FSTL5: variants seen among roughly 807,000 people sequenced by gnomAD.
FSTL5 encodes follistatin-related protein 5.
In FSTL5, 62 loss-of-function variants were observed where a neutral mutation model predicts 89.1. The ratio of observed to expected loss-of-function variants is 0.70; its 90% CI spans 0.57 to 0.86. The LOEUF (loss-of-function observed/expected upper bound fraction) is 0.86, where lower values mean the gene tolerates loss of function less well. Among genes scored for constraint, FSTL5 ranks in the 40% least tolerant of loss-of-function variants. The probability of loss-of-function intolerance (pLI) is 0.00; values close to 1 mark genes in which losing one functional copy is unlikely to be tolerated. For missense variants in FSTL5, 1,057 were observed against 1,001.6 expected (o/e 1.06, Z -0.75); for synonymous variants, 383 against 346.2 (o/e 1.11, Z -1.18).
intron 15 of FSTL5, among the ~76,000 whole-genome samples, chr4:161,450,897 C>T (rs1387696105): frequency 6.6e-6 from 1 of 151,970 alleles, no homozygotes; most frequent in African/African-American, 2.4e-5. Context: ...GCGCCCACCA[C>T]CACGCCTGGC....
chr4:161,983,590 TG>T (rs1735884636), intron 3 of FSTL5, among the ~76,000 whole-genome samples: 1 of 152,176 alleles, frequency 6.6e-6, no homozygotes, highest in Admixed American at 6.5e-5. Context: ...ATCATTAATA[TG>T]AAATACGTGT....
chr4:161,987,124 G>A (rs779725852), intron 3 of FSTL5, among the ~76,000 whole-genome samples: 3 of 152,024 alleles, frequency 2.0e-5, no homozygotes, highest in African/African-American at 7.2e-5. Flanking sequence ...ACCCTTTCTC[G>A]ACATCTAGTT....
intron 2 of FSTL5, among the ~76,000 whole-genome samples, chr4:162,056,615 T>A (rs1738551678): frequency 6.6e-6 from 1 of 152,198 alleles, no homozygotes; most frequent in Admixed American, 6.5e-5. Flanking sequence ...TAACATTTTA[T>A]ATCATGCAAA....
At chr4:161,630,161 G>A (rs554974937) in intron 7 of FSTL5, among the ~76,000 whole-genome samples, 3 of 152,224 alleles carry the variant, frequency 2.0e-5, no homozygotes, top group Non-Finnish European at 4.4e-5. Flanking sequence ...ATAAAACTGC[G>A]GGACCCTTCT....
chr4:161,831,520 CA>C (rs139499944), intron 4 of FSTL5, among the ~76,000 whole-genome samples: 12 of 150,572 alleles, frequency 8.0e-5, no homozygotes, highest in East Asian at 1.9e-4. Flanking sequence ...TGTTTTGTTA[CA>C]AAAAAAAGCA....
At chr4:161,440,569 G>A (rs1732726915) in intron 15 of FSTL5, among the ~76,000 whole-genome samples, 1 of 152,044 alleles carries the variant, frequency 6.6e-6, no homozygotes, top group Admixed American at 6.6e-5. Context: ...GTTCTGTTTT[G>A]CTCTCCTCAT....
chr4:162,100,317 T>C (rs1245315136), intron 2 of FSTL5, among the ~76,000 whole-genome samples: 1 of 152,044 alleles, frequency 6.6e-6, no homozygotes, highest in African/African-American at 2.4e-5. Context: ...TCCTAGCACT[T>C]TGGGAGGCCG....
chr4:161,703,730 T>C (rs898906187), intron 6 of FSTL5, among the ~76,000 whole-genome samples: 1 of 152,138 alleles, frequency 6.6e-6, no homozygotes, highest in African/African-American at 2.4e-5. Context: ...TAATATTTCA[T>C]TGAAGAGTCT....
chr4:161,618,296 C>G (rs866051398), intron 7 of FSTL5, among the ~76,000 whole-genome samples: 56 of 136,542 alleles, frequency 4.1e-4, no homozygotes, highest in African/African-American at 1.5e-3. Context: ...TCCTCTTTTC[C>G]TAATTGAATA....
chr4:162,138,008 G>A (rs1172087356), intron 1 of FSTL5, among the ~76,000 whole-genome samples: 3 of 152,040 alleles, frequency 2.0e-5, no homozygotes, highest in Admixed American at 2.0e-4. Context: ...AGAGCTGGTG[G>A]GAAGGTGGGG....
At chr4:161,760,290 C>T (rs1740741448) in intron 5 of FSTL5, among the ~76,000 whole-genome samples, 1 of 152,152 alleles carries the variant, frequency 6.6e-6, no homozygotes, top group South Asian at 2.1e-4. Context: ...CAAGATTTTT[C>T]AGACATTTCT....
At chr4:161,934,750 A>G (rs1269301978) in intron 3 of FSTL5, among the ~76,000 whole-genome samples, 1 of 152,120 alleles carries the variant, frequency 6.6e-6, no homozygotes, top group Non-Finnish European at 1.5e-5. Flanking sequence ...TACAACTGCT[A>G]TGTTAGACAT....
chr4:161,753,905 G>A (rs1402314453), intron 6 of FSTL5, among the ~76,000 whole-genome samples: 1 of 151,880 alleles, frequency 6.6e-6, no homozygotes, highest in Non-Finnish European at 1.5e-5. Context: ...AGCCGGGCGT[G>A]GTGGCTGGCG....
chr4:162,043,060 A>G (rs1297260760), intron 2 of FSTL5: 1 of 152,046 alleles, frequency 6.6e-6, no homozygotes, highest in African/African-American at 2.4e-5. Flanking sequence ...ACTAACCTGC[A>G]CAATGTGCAC....
chr4:161,571,029 A>C (rs147075649), intron 8 of FSTL5, among the ~76,000 whole-genome samples: 1 of 152,142 alleles, frequency 6.6e-6, no homozygotes, highest in South Asian at 2.1e-4. Context: ...AGGCAGGAGA[A>C]TCACTTGAGG....
chr4:161,537,066 T>G (rs750706342), intron 10 of FSTL5, among the ~76,000 whole-genome samples: 5 of 152,168 alleles, frequency 3.3e-5, no homozygotes, highest in Non-Finnish European at 7.3e-5. Flanking sequence ...TAATGATGGT[T>G]GTCCTAACCA....
Position 162,012,266 on chromosome 4 carries a change from A to G in FSTL5, c.160+21359T>C, listed in dbSNP as rs578088167. Among the ~76,000 whole-genome samples the G allele has an allele frequency of 2.0e-5, 3 of 152,344 alleles. No individual in the cohort carries two copies. The East Asian group carries it at 5.8e-4, about 29-fold the overall frequency. ...TTTCAGGTGAGGACAAGGAAAAAATATAGTTTATTTTGAGGAACATGCTAC... is the reference window on the plus strand; with the variant it reads ...TTTCAGGTGAGGACAAGGAAAAAATGTAGTTTATTTTGAGGAACATGCTAC... On this transcript the variant is annotated intron_variant, in intron 3 of 15. Transcript: ENST00000306100.
At chr4:161,737,759 C>T (rs1298858685) in intron 6 of FSTL5, among the ~76,000 whole-genome samples, 1 of 151,832 alleles carries the variant, frequency 6.6e-6, no homozygotes, top group Non-Finnish European at 1.5e-5. Context: ...ATAACTTCCA[C>T]TGTTGACCCC....
intron 4 of FSTL5, among the ~76,000 whole-genome samples, chr4:161,779,309 T>C (rs892254184): frequency 6.6e-6 from 1 of 152,198 alleles, no homozygotes; most frequent in Non-Finnish European, 1.5e-5. Context: ...TCATATTCTA[T>C]AAATATGTAC....
Sources: allele counts gnomAD v4.1 joint callset (sites outside exome capture counted in the v4.1 genomes callset), GRCh38; gene constraint gnomAD v4.1.1; transcripts MANE v1.5; gene names NCBI Gene and HGNC (gene_info 2026-07-23, HGNC 2026-07-21).